Variants in MPP4 observed in about 807,000 individuals in gnomAD.
MPP4 encodes MAGUK p55 subfamily member 4.
A neutral mutation model predicts 98.3 loss-of-function variants in MPP4; 91 were observed. The observed-to-expected ratio is 0.93, with a 90% confidence interval of 0.78 to 1.10. MPP4 has a LOEUF of 1.10. MPP4 is among the 50% of genes least tolerant of loss of function. MPP4 has a pLI of 0.00. For synonymous variants in MPP4, 261 were observed against 271.8 expected, an observed-to-expected ratio of 0.96 and a Z score of 0.39; for missense variants, 744 against 792.9, an observed-to-expected ratio of 0.94 and a Z score of 0.74.
intron 4 of MPP4, among the ~76,000 whole-genome samples, chr2:201,687,928 TG>T (rs1688886320): frequency 6.6e-6 from 1 of 152,214 alleles, no homozygotes. Context: ...CTCTCTGCTG[TG>T]GTTTAGGCGT....
intron 4 of MPP4, among the ~76,000 whole-genome samples, chr2:201,687,640 G>T (rs578087636): frequency 6.6e-6 from 1 of 152,264 alleles, no homozygotes; most frequent in Non-Finnish European, 1.5e-5. Context: ...AGGCATGGAG[G>T]ATGTACCAAT....
chr2:201,686,322 T>A (rs1559017537), intron 5 of MPP4, among the ~76,000 whole-genome samples: 1 of 152,224 alleles, frequency 6.6e-6, no homozygotes, highest in Non-Finnish European at 1.5e-5. Context: ...TCTGCTAAAA[T>A]GTATTATGCC....
rs1365111049 is a variant in MPP4, at chr2:201,656,388, A to G, written c.1130-20T>C. ...AGCCAGCTAGGGAGGGGAAGTGCAC[A>G]GAACGTAAGAACCAGGCAGGAGAGA... On this transcript the variant is annotated intron_variant, in intron 16 of 21. Transcript: ENST00000409474. The G allele has an allele frequency of 3.9e-6, 6 of 1,540,484 alleles. No homozygotes were observed. Among genetic ancestry groups the G allele is most frequent in the Non-Finnish European group, 4.4e-6 (5 of 1,140,682 alleles).
chr2:201,671,588 A>C (rs1005200177), intron 11 of MPP4, among the ~76,000 whole-genome samples: 2 of 152,222 alleles, frequency 1.3e-5, no homozygotes, highest in African/African-American at 4.8e-5. Context: ...AAAAAAAAGC[A>C]GGGGTTCCAA....
intron 14 of MPP4, chr2:201,662,041 A>C (rs1049281775): frequency 2.9e-5 from 11 of 380,370 alleles, no homozygotes; most frequent in African/African-American, 2.4e-4. Flanking sequence ...AAATGTAAAT[A>C]ATTTAGAAAA....
At chr2:201,649,726 G>T in intron 19 of MPP4, 42 bp from the exon 20 acceptor site, 1 of 1,362,472 alleles carries the variant, frequency 7.3e-7, no homozygotes, top group African/African-American at 1.4e-5. Flanking sequence ...TTTCTACAAG[G>T]AAAATATTAT....
intron 7 of MPP4, 101 bp downstream of exon 7, chr2:201,684,963 A>G (rs1164767025): frequency 1.5e-4 from 134 of 892,104 alleles, no homozygotes; most frequent in Non-Finnish European, 1.6e-4. Flanking sequence ...AAAAAAAAGA[A>G]AAAAAAAAAG....
intron 17 of MPP4, among the ~76,000 whole-genome samples, chr2:201,655,708 T>G (rs1347645325): frequency 4.6e-5 from 7 of 152,190 alleles, no homozygotes; most frequent in Admixed American, 4.6e-4. Context: ...GCACTATCTT[T>G]GCCATGATCT....
In MPP4 at chr2:201,645,119, A is replaced by G; in HGVS notation, c.*91T>C. 8.6e-7 allele frequency: 1 copy of G among 1,161,248 alleles called. No homozygotes were observed. The highest frequency in any genetic ancestry group is 1.2e-6 in the Non-Finnish European group (1 of 860,634). 71.9% of individuals were successfully genotyped at this position (1,161,248 alleles called of 1,614,324 possible). A position where few individuals can be genotyped will look rare whatever the true frequency, so the allele number is the denominator to read the frequency against. On this transcript the variant is annotated 3_prime_UTR_variant, in exon 22 of 22. Coordinates refer to ENST00000409474, the MANE Select transcript of MPP4 (RefSeq NM_033066.3). ...CTGCACTTTTAAAGTTGTACACATT[A>G]AAATGGGTCAAATACTGTTGTTTTA...
At chr2:201,697,641 TC>T (rs111528880) in intron 1 of MPP4, among the ~76,000 whole-genome samples, 65 of 152,344 alleles carry the variant, frequency 4.3e-4, no homozygotes, top group African/African-American at 1.5e-3. Flanking sequence ...AGCTGGGACT[TC>T]AATCCTAATG....
chr2:201,669,119 TGTGAGA>T (rs752083939), intron 12 of MPP4, among the ~76,000 whole-genome samples: 12,758 of 133,882 alleles, frequency 0.095, 519 homozygotes, highest in Middle Eastern at 0.14. Context: ...TGTGTGTGTG[TGTGAGA>T]GAGAGAGAGA....
At chr2:201,647,542 G>A in intron 21 of MPP4, 149 bp downstream of exon 21, 1 of 682,936 alleles carries the variant, frequency 1.5e-6, no homozygotes, top group Non-Finnish European at 2.3e-6. Flanking sequence ...TAAAACCATA[G>A]TAAACCATTT....
intron 11 of MPP4, among the ~76,000 whole-genome samples, chr2:201,670,156 A>G (rs889727872): frequency 6.6e-6 from 1 of 152,188 alleles, no homozygotes; most frequent in African/African-American, 2.4e-5. Flanking sequence ...GAAAGAGGGA[A>G]GACAACTATA....
chr2:201,683,057 G>C (rs1688708307), intron 7 of MPP4, 141 bp from the exon 8 acceptor site: 6,181 of 393,854 alleles, frequency 0.016, no homozygotes, highest in East Asian at 0.019. Flanking sequence ...AGAAAAGAAA[G>C]CTGGTTATTC....
Position 201,664,521 on chromosome 2 carries a change from G to C in MPP4, c.1052-420C>G, listed in dbSNP as rs1371203702. ...CTGAAGAGTTGCGGACCCACAAACG[G>C]GGGTGATGACGAGGAGAGTGAGCAT... On this transcript the variant is annotated intron_variant, in intron 13 of 21. Transcript: ENST00000409474. Among the ~76,000 whole-genome samples the C allele has an allele frequency of 4.2e-4, 64 of 152,168 alleles. 1 individual carries two copies. Among genetic ancestry groups the C allele is most frequent in the Admixed American group, 4.1e-3 (63 of 15,276 alleles).
At chr2:201,651,691 C>T (rs146589466) in intron 18 of MPP4, 12,630 of 981,500 alleles carry the variant, frequency 0.013, 91 homozygotes, top group East Asian at 0.041. Context: ...CAGTGGCTCA[C>T]GCCTGTAATC....
At chr2:201,657,590 G>GTTTTTTTTGTT (rs1687884945) in intron 16 of MPP4, among the ~76,000 whole-genome samples, 1 of 91,124 alleles carries the variant, frequency 1.1e-5, no homozygotes, top group African/African-American at 4.3e-5. Context: ...CCTGGCCCTT[G>GTTTTTTTTGTT]TTTTTTTTTT....
intron 7 of MPP4, 45 bp from the exon 8 acceptor site, chr2:201,682,961 G>A (rs1159038754): frequency 1.3e-6 from 2 of 1,511,198 alleles, no homozygotes; most frequent in Non-Finnish European, 1.8e-6. Flanking sequence ...CAAAGAAGTA[G>A]GATAAAAATA....
intron 10 of MPP4, 129 bp downstream of exon 10, chr2:201,680,709 A>T (rs1215877679): frequency 3.9e-6 from 3 of 764,610 alleles, no homozygotes; most frequent in Non-Finnish European, 6.2e-6. Context: ...TGGATTTATA[A>T]ACCAGTGTGT....
Sources: gnomAD v4.1 joint callset for allele counts (sites outside exome capture counted in the v4.1 genomes callset) on GRCh38, gnomAD v4.1.1 for gene constraint, MANE v1.5 for transcripts, NCBI Gene and HGNC (gene_info 2026-07-23, HGNC 2026-07-21) for gene names.